TENM1: variants seen among roughly 807,000 people sequenced by gnomAD.
The protein encoded by TENM1 is teneurin transmembrane protein 1.
A neutral mutation model predicts 174.8 loss-of-function variants in TENM1; 35 were observed. The observed-to-expected ratio is 0.20, with a 90% confidence interval of 0.15 to 0.27. TENM1 has a LOEUF of 0.27. TENM1 is among the 10% of genes least tolerant of loss of function. The pLI is 1.00. For missense variants in TENM1, 1,633 were observed against 2,130.1 expected (o/e 0.77, Z 4.59); for synonymous variants, 781 against 798.7 (o/e 0.98, Z 0.37).
intron 6 of TENM1, among the ~76,000 whole-genome samples, chrX:124,658,399 T>C (rs1485077841): frequency 9.0e-6 from 1 of 111,672 alleles, no homozygotes; most frequent in South Asian, 3.8e-4. Context: ...ATTAGTAATG[T>C]TGATAATTTT....
chrX:124,674,827 T>C (rs1249045127), intron 5 of TENM1, among the ~76,000 whole-genome samples: 1 of 111,497 alleles, frequency 9.0e-6, no homozygotes, highest in Non-Finnish European at 1.9e-5. Context: ...AGGAGCTATA[T>C]TGAAAATGTG....
At chrX:125,167,477 G>A in the TENM1 span, among the ~76,000 whole-genome samples, 5 of 111,737 alleles carry the variant, frequency 4.5e-5, no homozygotes, top group Admixed American at 4.8e-4. Flanking sequence ...AACACAGAAT[G>A]AGAGGGTCAA....
intron 15 of TENM1, among the ~76,000 whole-genome samples, chrX:124,537,600 T>C (rs1299465006): frequency 1.8e-5 from 2 of 111,968 alleles, no homozygotes; most frequent in Non-Finnish European, 3.8e-5. Flanking sequence ...TGGTGCTATC[T>C]ACAGAATTAT....
At chrX:125,171,463 C>T in the TENM1 span, among the ~76,000 whole-genome samples, 1 of 110,790 alleles carries the variant, frequency 9.0e-6, no homozygotes. Context: ...CCTGCCCCCA[C>T]TCTAAATTCG....
chrX:125,119,834 T>C, the TENM1 span, among the ~76,000 whole-genome samples: 1 of 111,059 alleles, frequency 9.0e-6, no homozygotes, highest in Non-Finnish European at 1.9e-5. Flanking sequence ...ATGATGAAAA[T>C]GGAAATGAAT....
intron 3 of TENM1, among the ~76,000 whole-genome samples, chrX:124,841,789 G>T (rs112629521): frequency 2.3e-3 from 256 of 111,168 alleles, no homozygotes; most frequent in African/African-American, 7.8e-3. Context: ...TGTGATGCCA[G>T]CATCATCTTA....
In TENM1 at chrX:124,502,541, AACCTAAT is replaced by A. The variant is rs762249332; in HGVS notation, c.3445+1012_3445+1018del. 6.2e-5 allele frequency among the ~76,000 whole-genome samples: 7 copies of A among 112,794 alleles called. No homozygotes were observed. In the South Asian group the frequency reaches 2.6e-3, roughly 41 times the overall value. On this transcript the variant is annotated intron_variant, in intron 19 of 31. Coordinates refer to ENST00000422452, the Ensembl canonical transcript of TENM1. ...CAAACTCTTTCAAATCAAAACAGAA[AACCTAAT>A]AATTTAATAAGTGGCATCTGCCCTT...
In TENM1 at chrX:124,754,484, T is replaced by C. The variant is rs776787450; in HGVS notation, c.536-17287A>G. The stretch of plus-strand genomic sequence containing the variant: ...TTGAAGGGTTTTTTGTGTCTCTATT[T>C]CCTTCAGTTCTGCTCTGATTTTAGT... On this transcript the variant is annotated intron_variant, in intron 3 of 31. Coordinates refer to ENST00000422452, the Ensembl canonical transcript of TENM1. Among the ~76,000 whole-genome samples the C allele has an allele frequency of 8.2e-3, 911 of 111,651 alleles. 14 individuals carry two copies. The highest frequency in any genetic ancestry group is 0.028 in the African/African-American group (852 of 30,711).
chrX:125,105,541 A>G, the TENM1 span, among the ~76,000 whole-genome samples: 4 of 108,275 alleles, frequency 3.7e-5, no homozygotes, highest in South Asian at 1.6e-3. Flanking sequence ...AAAAAATTGC[A>G]CTCATCTACA....
intron 1 of TENM1, among the ~76,000 whole-genome samples, chrX:124,902,794 A>G (rs1356761154): frequency 8.9e-6 from 1 of 112,594 alleles, no homozygotes. Context: ...GATTTCTCTT[A>G]GTCTTAGAAA....
intron 6 of TENM1, among the ~76,000 whole-genome samples, chrX:124,671,056 A>T (rs2051907925): frequency 9.0e-6 from 1 of 111,347 alleles, no homozygotes; most frequent in Non-Finnish European, 1.9e-5. Context: ...TAAGACTAAG[A>T]TCATTCAGTG....
intron 5 of TENM1, among the ~76,000 whole-genome samples, chrX:124,701,963 G>A (rs918639797): frequency 5.4e-5 from 6 of 111,718 alleles, no homozygotes; most frequent in Non-Finnish European, 1.1e-4. Flanking sequence ...ACAGCCATTA[G>A]TATCTAAAGG....
chrX:124,658,454 A>C (rs1221208082), intron 6 of TENM1, among the ~76,000 whole-genome samples: 2 of 111,722 alleles, frequency 1.8e-5, no homozygotes, highest in Non-Finnish European at 3.8e-5. Context: ...TTTTAGTCAA[A>C]ACGTACAACT....
At position 124,639,813 on chromosome X, in the gene TENM1, T is replaced by A. The variant is rs1488738620; in HGVS notation, c.2077+1978A>T. 2.7e-5 allele frequency among the ~76,000 whole-genome samples: 3 copies of A among 111,729 alleles called. No homozygotes were observed. The East Asian group carries it at 8.4e-4, about 31-fold the overall frequency. On this transcript the variant is annotated intron_variant, in intron 11 of 31. Coordinates refer to ENST00000422452, the Ensembl canonical transcript of TENM1. ...TAAAGCTCTAAGCCATGATAGTGTA[T>A]CTGAAACATGGAAGGATGGAAAGTA... is the stretch of plus-strand genomic sequence containing the variant.
the TENM1 span, among the ~76,000 whole-genome samples, chrX:125,063,464 GA>G: frequency 4.5e-5 from 5 of 110,933 alleles, no homozygotes; most frequent in Non-Finnish European, 9.4e-5. Context: ...AAATTTACAA[GA>G]AAAAAACAAA....
chrX:124,469,404 T>C (rs751413566), intron 22 of TENM1, among the ~76,000 whole-genome samples: 3 of 111,717 alleles, frequency 2.7e-5, no homozygotes, highest in South Asian at 3.8e-4. Flanking sequence ...TAGGTACTAT[T>C]TCCATTTTAC....
intron 1 of TENM1, among the ~76,000 whole-genome samples, chrX:124,915,105 A>G (rs889400227): frequency 6.3e-5 from 7 of 111,234 alleles, no homozygotes; most frequent in Non-Finnish European, 1.1e-4. Flanking sequence ...ATTTGATTTC[A>G]TCTCACTTCC....
intron 3 of TENM1, among the ~76,000 whole-genome samples, chrX:124,819,333 T>G (rs1371742292): frequency 2.7e-5 from 3 of 110,819 alleles, no homozygotes; most frequent in Non-Finnish European, 5.7e-5. Flanking sequence ...AATTAGTGAG[T>G]TTCTATTGCA....
At chrX:124,420,358 C>T (rs2060636713) in exon 25 of TENM1, 1 of 1,208,290 alleles carries the variant, frequency 8.3e-7, no homozygotes, top group Non-Finnish European at 1.1e-6. Context: ...TAGCCAGAAG[C>T]CCTGTGTTTC....
Sources: gnomAD v4.1 joint callset for allele counts (sites outside exome capture counted in the v4.1 genomes callset) on GRCh38, gnomAD v4.1.1 for gene constraint, MANE v1.5 for transcripts, NCBI Gene and HGNC (gene_info 2026-07-23, HGNC 2026-07-21) for gene names.